STX17: variants seen among roughly 807,000 people sequenced by gnomAD.
The protein encoded by STX17 is syntaxin 17.
In STX17, 29 loss-of-function variants were observed where a neutral mutation model predicts 35.9. The ratio of observed to expected loss-of-function variants is 0.81; its 90% CI spans 0.60 to 1.10. STX17 has a LOEUF of 1.10. Ranked by LOEUF, STX17 falls within the 50% of genes least tolerant of loss-of-function variation. The pLI is 0.00. For missense variants in STX17, 312 were observed against 352.3 expected (o/e 0.89, Z 0.92); for synonymous variants, 92 against 118.3 (o/e 0.78, Z 1.44).
intron 1 of STX17, among the ~76,000 whole-genome samples, chr9:99,912,069 A>C (rs1322729527): frequency 1.3e-5 from 2 of 152,138 alleles, no homozygotes; most frequent in Non-Finnish European, 2.9e-5. Flanking sequence ...TCTACTAAAA[A>C]CAAAAAATTA....
intron 4 of STX17, among the ~76,000 whole-genome samples, chr9:99,952,598 G>C (rs1301643220): frequency 3.9e-5 from 6 of 152,012 alleles, no homozygotes; most frequent in East Asian, 1.9e-4. Flanking sequence ...TATTGTGGCA[G>C]TATTCACAAT....
chr9:99,939,749 T>C (rs937753485), intron 3 of STX17, among the ~76,000 whole-genome samples: 4 of 152,218 alleles, frequency 2.6e-5, no homozygotes, highest in Non-Finnish European at 5.9e-5. Flanking sequence ...ATCCTTACTA[T>C]GTTTCAGATT....
chr9:99,940,602 C>T (rs1179201644), intron 3 of STX17, among the ~76,000 whole-genome samples: 1 of 151,690 alleles, frequency 6.6e-6, no homozygotes, highest in Non-Finnish European at 1.5e-5. Flanking sequence ...CCTCAGCCTC[C>T]CAAGTAGCTA....
At chr9:99,930,596 C>G (rs1274652041) in intron 3 of STX17, among the ~76,000 whole-genome samples, 7 of 152,094 alleles carry the variant, frequency 4.6e-5, no homozygotes, top group Admixed American at 3.9e-4. Flanking sequence ...AGATGTTCTT[C>G]TGAACTCTTC....
At chr9:99,959,587 G>T (rs1252341306) in intron 4 of STX17, among the ~76,000 whole-genome samples, 4 of 150,458 alleles carry the variant, frequency 2.7e-5, no homozygotes, top group Non-Finnish European at 5.9e-5. Context: ...AGCCTCCCAA[G>T]TAGCTGGGAC....
At chr9:99,927,791 A>G (rs1354501201) in intron 2 of STX17, among the ~76,000 whole-genome samples, 1 of 152,154 alleles carries the variant, frequency 6.6e-6, no homozygotes, top group East Asian at 1.9e-4. Context: ...TAATTGTTTT[A>G]AGCTTAATAG....
intron 3 of STX17, among the ~76,000 whole-genome samples, chr9:99,936,882 A>G (rs906896143): frequency 6.6e-6 from 1 of 152,114 alleles, no homozygotes; most frequent in Non-Finnish European, 1.5e-5. Flanking sequence ...TAATGCCCTT[A>G]TGTAGATCCA....
intron 1 of STX17, chr9:99,907,443 C>T (rs984102769): frequency 2.0e-5 from 3 of 152,186 alleles, no homozygotes; most frequent in African/African-American, 4.8e-5. Context: ...GGGTCTTTCA[C>T]TTATTAATAA....
At chr9:99,915,511 C>T in intron 2 of STX17, 149 bp downstream of exon 2, 1 of 948,132 alleles carries the variant, frequency 1.1e-6, no homozygotes, top group Non-Finnish European at 1.5e-6. Context: ...CATTTTTTAG[C>T]TGGTTTTTCT....
At chr9:99,934,954 G>T (rs1053997814) in intron 3 of STX17, among the ~76,000 whole-genome samples, 16 of 151,754 alleles carry the variant, frequency 1.1e-4, no homozygotes, top group Non-Finnish European at 1.6e-4. Context: ...GGACATTACT[G>T]AAAGAAGGAA....
intron 1 of STX17, among the ~76,000 whole-genome samples, chr9:99,907,790 A>G (rs1828580354): frequency 6.6e-6 from 1 of 152,222 alleles, no homozygotes; most frequent in Non-Finnish European, 1.5e-5. Flanking sequence ...TAATATTAGT[A>G]TAATACTATT....
intron 2 of STX17, among the ~76,000 whole-genome samples, chr9:99,918,975 G>A (rs1372292332): frequency 1.3e-5 from 2 of 152,154 alleles, no homozygotes; most frequent in African/African-American, 4.8e-5. Context: ...GAGGTGAACA[G>A]GCTCACCACC....
intron 6 of STX17, 151 bp from the exon 7 acceptor site, chr9:99,967,502 C>T (rs1279147521): frequency 3.9e-5 from 13 of 332,194 alleles, no homozygotes; most frequent in Admixed American, 1.2e-4. Context: ...TTTGTCCTTT[C>T]GACATGGCTT....
chr9:99,938,031 T>C (rs1245841158), intron 3 of STX17: 1 of 152,098 alleles, frequency 6.6e-6, no homozygotes, highest in Non-Finnish European at 1.5e-5. Flanking sequence ...GAATTAAGAG[T>C]TTTCCCATTT....
chr9:99,944,134 A>G (rs1416104304), intron 3 of STX17, among the ~76,000 whole-genome samples: 1 of 151,978 alleles, frequency 6.6e-6, no homozygotes, highest in Non-Finnish European at 1.5e-5. Context: ...TTAATTCTGC[A>G]AGATCAGTAG....
At chr9:99,940,316 A>G (rs571661778) in intron 3 of STX17, among the ~76,000 whole-genome samples, 3 of 151,768 alleles carry the variant, frequency 2.0e-5, no homozygotes, top group African/African-American at 7.2e-5. Flanking sequence ...TTTTTAATAA[A>G]GATGGGGTTT....
chr9:99,907,332 G>A (rs1393987503), intron 1 of STX17: 3 of 152,172 alleles, frequency 2.0e-5, no homozygotes, highest in Admixed American at 6.5e-5. Flanking sequence ...ATTAAGCGGC[G>A]GGCCGGAAGA....
At chr9:99,967,567 C>T (rs1401840515) in intron 6 of STX17, 86 bp from the exon 7 acceptor site, 11 of 1,147,478 alleles carry the variant, frequency 9.6e-6, no homozygotes, top group Non-Finnish European at 1.2e-5. Flanking sequence ...GTACCCAGGG[C>T]CCTGATTACA....
At chr9:99,926,474 G>A (rs554672734) in intron 2 of STX17, among the ~76,000 whole-genome samples, 4 of 151,170 alleles carry the variant, frequency 2.6e-5, no homozygotes, top group East Asian at 1.9e-4. Context: ...ACACAGTTTC[G>A]TTGGGAACAG....
Sources: allele counts gnomAD v4.1 joint callset (sites outside exome capture counted in the v4.1 genomes callset), GRCh38; gene constraint gnomAD v4.1.1; transcripts MANE v1.5; gene names NCBI Gene and HGNC (gene_info 2026-07-23, HGNC 2026-07-21).